MAP2K7: variants seen among roughly 807,000 people sequenced by gnomAD.
The protein encoded by MAP2K7 is dual specificity mitogen-activated protein kinase kinase 7.
MAP2K7 carries 12 observed loss-of-function variants against 47.7 expected under a neutral mutation model. The observed-to-expected ratio is 0.25, with a 90% CI of 0.16 to 0.41. The LOEUF is 0.41. Among genes scored for constraint, MAP2K7 ranks in the 10% least tolerant of loss-of-function variants. The pLI is 1.00. For synonymous variants in MAP2K7, 299 were observed against 243.0 expected (o/e 1.23, Z -2.14); for missense variants, 415 against 600.3 (o/e 0.69, Z 3.23).
rs749648216 is a variant in MAP2K7 at position 7,910,344 on chromosome 19, C to T, written c.418C>T (p.Arg140Trp). 3.7e-5 allele frequency: 59 copies of T among 1,612,956 alleles called. No homozygotes were observed. Among genetic ancestry groups the T allele is most frequent in the East Asian group, 4.5e-5 (2 of 44,884 alleles). ...CGGCCAGGTGTGGAAGATGCGCTTC[C>T]GGAAGACCGGCCACGTCATTGCCGT... is the stretch of plus-strand genomic sequence containing the variant. ...TCGQVWKMRF[R>W]KTGHVIAVKQ... The change falls in exon 4 of 11, where the codon CGG (arginine) becomes TGG (tryptophan). Residue 140 changes from arginine to tryptophan, a missense_variant. Transcript: ENST00000397979.
intron 1 of MAP2K7, among the ~76,000 whole-genome samples, chr19:7,909,228 G>A (rs528217671): frequency 2.4e-4 from 37 of 152,328 alleles, no homozygotes; most frequent in Admixed American, 4.6e-4. Flanking sequence ...ATAGGGCAAG[G>A]CAGCCTGAAG....
chr19:7,909,052 C>T (rs1007610891), intron 1 of MAP2K7, among the ~76,000 whole-genome samples: 10 of 130,352 alleles, frequency 7.7e-5, no homozygotes, highest in South Asian at 3.7e-4. Flanking sequence ...CACCTGGTCC[C>T]GCCAGCCCCT....
rs772593995 is a variant in MAP2K7, at chr19:7,903,928, C to T, written c.-17C>T. On this transcript the variant is annotated 5_prime_UTR_variant, in exon 1 of 11. Coordinates refer to ENST00000397979, the MANE Select transcript of MAP2K7 (RefSeq NM_145185.4). ...CGGGCGGCCGGGCGGTGCGCGGCGG[C>T]GGTGGCGGCGGGGAAGATGGCGGCG... 4.0e-6 allele frequency: 6 copies of T among 1,504,144 alleles called. No homozygotes were observed. The highest frequency in any genetic ancestry group is 4.2e-5 in the Admixed American group (2 of 48,084). The allele number at this position is 1,504,144 out of a possible 1,614,324, so 93.2% of individuals were successfully genotyped here.
chr19:7,907,165 G>A (rs1982515459), intron 1 of MAP2K7: 1 of 151,676 alleles, frequency 6.6e-6, no homozygotes, highest in Admixed American at 6.6e-5. Context: ...AATTTAAAAA[G>A]CGTCTTGAAG....
chr19:7,909,831 C>T lies in MAP2K7; in HGVS notation c.201C>T (p.Pro67=), dbSNP rs1568277210. 1 of 1,538,940 alleles carries T rather than the reference C, an allele frequency of 6.5e-7. No homozygotes were observed. Among genetic ancestry groups the T allele is most frequent in the African/African-American group, 1.4e-5 (1 of 72,848 alleles). Residue 67 remains proline (P), a synonymous_variant, in exon 2 of 11, where the codon CCC becomes CCT. Coordinates refer to ENST00000397979, the MANE Select transcript of MAP2K7 (RefSeq NM_145185.4). ...SSESSPQHPT[P]PARPRHMLGL... ...AGAGCTCCCCGCAGCACCCCACGCC[C>T]CCCGCCCGGCCCCGCCACATGCTGG... is the stretch of plus-strand genomic sequence containing the variant.
chr19:7,913,208 G>C lies in MAP2K7; in HGVS notation c.*777G>C, dbSNP rs1983047205. The C allele has an allele frequency of 6.6e-6, 1 of 152,490 alleles. No homozygotes were observed. The highest frequency in any genetic ancestry group is 2.1e-4 in the South Asian group (1 of 4,836). The allele number at this position is 152,490 out of a possible 1,614,324, so 9.4% of individuals were successfully genotyped here. A position where few individuals can be genotyped will look rare whatever the true frequency, so the allele number is the denominator to read the frequency against. On this transcript the variant is annotated 3_prime_UTR_variant, in exon 11 of 11. Coordinates refer to ENST00000397979, the MANE Select transcript of MAP2K7 (RefSeq NM_145185.4). ...ACTTTTACCAAAGTCACGATTAGCTGCTTGTGGTGGGGCCCCAACCGCCCT... is the reference window on the plus strand; with the variant it reads ...ACTTTTACCAAAGTCACGATTAGCTCCTTGTGGTGGGGCCCCAACCGCCCT...
At chr19:7,911,876 A>G (rs1364868049) in intron 9 of MAP2K7, among the ~76,000 whole-genome samples, 1 of 152,092 alleles carries the variant, frequency 6.6e-6, no homozygotes, top group Non-Finnish European at 1.5e-5. Flanking sequence ...GCCATGTTCG[A>G]TTCTCTCAGG....
intron 8 of MAP2K7, 39 bp from the exon 9 acceptor site, chr19:7,911,397 G>T: frequency 6.2e-7 from 1 of 1,613,400 alleles, no homozygotes; most frequent in Non-Finnish European, 8.5e-7. Flanking sequence ...GGAGGGAGGA[G>T]AACATAAACC....
chr19:7,904,873 C>G (rs985183932), intron 1 of MAP2K7, among the ~76,000 whole-genome samples: 2 of 152,066 alleles, frequency 1.3e-5, no homozygotes, highest in Non-Finnish European at 2.9e-5. Context: ...CCCACACCCA[C>G]CTGACCTGGG....
chr19:7,906,131 C>T (rs560657028), intron 1 of MAP2K7: 21 of 509,808 alleles, frequency 4.1e-5, no homozygotes, highest in South Asian at 4.0e-4. Context: ...GAGTCTGTGG[C>T]CTCCGGGGGT....
chr19:7,911,546 C>T lies in MAP2K7; in HGVS notation c.1047C>T (p.Phe349=), dbSNP rs755681134. 1 of 1,604,322 alleles carries T rather than the reference C, an allele frequency of 6.2e-7. No individual in the cohort carries two copies. The highest frequency in any genetic ancestry group is 1.1e-5 in the South Asian group (1 of 90,536). ...EPPLLPGHMG[F]SGDFQSFVKD... is the part of the protein sequence containing the mutation. ...CGCTTCTGCCCGGACACATGGGCTT[C>T]TCGGGGGACTTCCAGTCCTTCGTCA... Residue 349 remains phenylalanine (F), a synonymous_variant, in exon 9 of 11, where the codon TTC becomes TTT. Coordinates refer to ENST00000397979, the MANE Select transcript of MAP2K7 (RefSeq NM_145185.4).
intron 1 of MAP2K7, among the ~76,000 whole-genome samples, chr19:7,905,113 T>G (rs1407648555): frequency 6.6e-6 from 1 of 151,956 alleles, no homozygotes; most frequent in Non-Finnish European, 1.5e-5. Flanking sequence ...TGGAGGAAAT[T>G]AGATTTTCAA....
At chr19:7,911,415 C>G (rs1267357345) in intron 8 of MAP2K7, 21 bp from the exon 9 acceptor site, 2 of 1,613,326 alleles carry the variant, frequency 1.2e-6, no homozygotes, top group Non-Finnish European at 1.7e-6. Flanking sequence ...ACCTGTCCAG[C>G]CCTGCCCGTC....
Position 7,908,872 on chromosome 19 carries a change from C to T in MAP2K7, c.125-883C>T, listed in dbSNP as rs138358199. ...CTCCTCTGGGCACCTGGGCCCTAGT[C>T]TTGGTTCCTGTCTGTCTGTCTGTCT... is the stretch of plus-strand genomic sequence containing the variant. On this transcript the variant is annotated intron_variant, in intron 1 of 10. Transcript: ENST00000397979. 4.5e-3 allele frequency among the ~76,000 whole-genome samples: 689 copies of T among 152,248 alleles called. 7 individuals are homozygous for T. The highest frequency in any genetic ancestry group is 7.8e-3 in the Non-Finnish European group (532 of 67,988).
chr19:7,909,079 C>T (rs1003822578), intron 1 of MAP2K7, among the ~76,000 whole-genome samples: 9 of 152,192 alleles, frequency 5.9e-5, no homozygotes, highest in African/African-American at 1.9e-4. Context: ...GCTGTGCCCC[C>T]GAGCTCTCCT....
At chr19:7,912,107 C>T (rs750213851) in intron 9 of MAP2K7, 42 bp from the exon 10 acceptor site, 5 of 1,600,796 alleles carry the variant, frequency 3.1e-6, no homozygotes, top group East Asian at 4.5e-5. Context: ...GGCATCCCCT[C>T]CTCCCTCGTT....
rs747660994 is a variant in MAP2K7 at position 7,911,243 on chromosome 19, C to CA, written c.856-7_856-6insA. The stretch of plus-strand genomic sequence containing the variant: ...TGGAGATACGTCTTCTCCTCCCCCC[C>CA]CTGCAGCCCGAGCGCATTGACCCCC... On this transcript the variant is annotated splice_region_variant and splice_polypyrimidine_tract_variant and intron_variant, in intron 7 of 10. Transcript: ENST00000397979. The CA allele has an allele frequency of 6.8e-6, 11 of 1,610,728 alleles. No homozygotes were observed. The highest frequency in any genetic ancestry group is 5.3e-5 in the African/African-American group (4 of 74,810).
At position 7,910,295 on chromosome 19, in the gene MAP2K7, G is replaced by T. The variant is rs753585786; in HGVS notation, c.369G>T (p.Leu123Phe). ...YQAEINDLEN[L>F]GEMGSGTCGQ... ...CAGAAATCAACGACCTGGAGAACTT[G>T]GGCGAGATGGGCAGCGGCACCTGCG... is the stretch of plus-strand genomic sequence containing the variant. The change falls in exon 4 of 11, where the codon TTG becomes TTT. Residue 123 changes from leucine (L) to phenylalanine (F), a missense_variant. Physicochemically the swap from Leu to Phe is conservative, Grantham distance 22 (BLOSUM62 0). Coordinates refer to ENST00000397979, the MANE Select transcript of MAP2K7 (RefSeq NM_145185.4). 1 of 1,613,350 alleles carries T rather than the reference G, an allele frequency of 6.2e-7. No homozygotes were observed.
chr19:7,904,647 G>C (rs1982328204), intron 1 of MAP2K7: 1 of 164,656 alleles, frequency 6.1e-6, no homozygotes, highest in Non-Finnish European at 1.4e-5. Flanking sequence ...GGACGGGAGG[G>C]GGTCCCTTCT....
Sources: gnomAD v4.1 joint callset for allele counts (sites outside exome capture counted in the v4.1 genomes callset) on GRCh38, gnomAD v4.1.1 for gene constraint, MANE v1.5 for transcripts, NCBI Gene and HGNC (gene_info 2026-07-23, HGNC 2026-07-21) for gene names.